The following RPN2 variants were observed in gnomAD, a reference collection of about 807,000 sequenced individuals.
RPN2 encodes dolichyl-diphosphooligosaccharide--protein glycosyltransferase subunit 2.
Under a neutral mutation model 71.4 loss-of-function variants are expected in RPN2, and 29 were observed. The ratio of observed to expected loss-of-function variants is 0.41; its 90% CI spans 0.30 to 0.55. The LOEUF (loss-of-function observed/expected upper bound fraction) is 0.55, where lower values mean the gene tolerates loss of function less well. Ranked by LOEUF, RPN2 falls within the 20% of genes least tolerant of loss-of-function variation. The probability of loss-of-function intolerance (pLI) is 0.35; values close to 1 mark genes in which losing one functional copy is unlikely to be tolerated. For missense variants in RPN2, 726 were observed against 774.1 expected (o/e 0.94, Z 0.74); for synonymous variants, 308 against 305.0 (o/e 1.01, Z -0.10).
At chr20:37,221,996 A>G (rs1568990340) in intron 9 of RPN2, among the ~76,000 whole-genome samples, 2 of 152,228 alleles carry the variant, frequency 1.3e-5, no homozygotes, top group Non-Finnish European at 2.9e-5. Flanking sequence ...TGAATGGGGA[A>G]AGTGCTCTCA....
At chr20:37,184,417 C>T (rs375835915) in intron 2 of RPN2, 44 bp downstream of exon 2, 1 of 1,471,924 alleles carries the variant, frequency 6.8e-7, no homozygotes. Flanking sequence ...TTCAGGAGAA[C>T]CTTCATCCCC....
chr20:37,196,450 G>T (rs1213924803), intron 2 of RPN2, among the ~76,000 whole-genome samples: 1 of 152,090 alleles, frequency 6.6e-6, no homozygotes, highest in Non-Finnish European at 1.5e-5. Context: ...AGCCAGGATG[G>T]TCTCGATCTC....
chr20:37,190,596 A>G (rs1185858804), intron 2 of RPN2, among the ~76,000 whole-genome samples: 1 of 152,224 alleles, frequency 6.6e-6, no homozygotes, highest in Non-Finnish European at 1.5e-5. Flanking sequence ...ATGACTATAT[A>G]TAAATAGTAG....
intron 2 of RPN2, among the ~76,000 whole-genome samples, chr20:37,195,821 T>C (rs1029042559): frequency 3.3e-5 from 5 of 152,146 alleles, no homozygotes; most frequent in Non-Finnish European, 5.9e-5. Flanking sequence ...GATCCCTAAT[T>C]GATGCAAAGT....
At chr20:37,210,528 CTTTTTTT>C (rs10566074) in intron 8 of RPN2, among the ~76,000 whole-genome samples, 1 of 118,914 alleles carries the variant, frequency 8.4e-6, no homozygotes, top group South Asian at 2.6e-4. Flanking sequence ...CTTTTGCTAA[CTTTTTTT>C]TTTTTTTTTT....
At chr20:37,188,294 A>ATAGG (rs1674363428) in intron 2 of RPN2, among the ~76,000 whole-genome samples, 3 of 151,914 alleles carry the variant, frequency 2.0e-5, no homozygotes, top group South Asian at 2.1e-4. Context: ...TCAGCCTCCT[A>ATAGG]TAGGTGCACG....
intron 4 of RPN2, 117 bp downstream of exon 4, chr20:37,199,342 C>G (rs778993349): frequency 2.1e-5 from 27 of 1,305,226 alleles, no homozygotes; most frequent in East Asian, 9.9e-5. Context: ...TAAATACTTC[C>G]GTGTGCCAGG....
intron 15 of RPN2, 141 bp from the exon 16 acceptor site, chr20:37,236,439 C>T (rs1017288870): frequency 1.6e-5 from 14 of 886,400 alleles, no homozygotes; most frequent in Non-Finnish European, 2.3e-5. Context: ...TACTTTTTGG[C>T]ATCAGAGCAA....
chr20:37,216,871 A>G (rs1396559820), intron 9 of RPN2, among the ~76,000 whole-genome samples: 2 of 151,656 alleles, frequency 1.3e-5, no homozygotes, highest in Non-Finnish European at 2.9e-5. Context: ...CTTTTCTATA[A>G]TTGTACTTAT....
At chr20:37,180,435 C>T (rs1750607175) in intron 1 of RPN2, among the ~76,000 whole-genome samples, 1 of 152,160 alleles carries the variant, frequency 6.6e-6, no homozygotes, top group South Asian at 2.1e-4. Flanking sequence ...CACAGCATAG[C>T]GTGGGCATAC....
At chr20:37,213,033 T>C (rs2067712779) in intron 8 of RPN2, among the ~76,000 whole-genome samples, 1 of 152,162 alleles carries the variant, frequency 6.6e-6, no homozygotes, top group African/African-American at 2.4e-5. Flanking sequence ...GTAAGATATG[T>C]CCTTTTTGAG....
intron 16 of RPN2, chr20:37,238,389 T>C: frequency 6.2e-7 from 1 of 1,605,102 alleles, no homozygotes; most frequent in Non-Finnish European, 8.5e-7. Flanking sequence ...TCAAACCCTC[T>C]TTCCTTTGGC....
intron 9 of RPN2, among the ~76,000 whole-genome samples, chr20:37,219,767 GTCT>G (rs1304339372): frequency 6.6e-6 from 1 of 152,220 alleles, no homozygotes; most frequent in Non-Finnish European, 1.5e-5. Flanking sequence ...AGGGGGTCCA[GTCT>G]TCTTTTGCAG....
At chr20:37,234,714 T>A (rs1242407829) in intron 15 of RPN2, among the ~76,000 whole-genome samples, 2 of 150,550 alleles carry the variant, frequency 1.3e-5, no homozygotes, top group Non-Finnish European at 3.0e-5. Context: ...AGGGTCTTAC[T>A]CTGTCACCCA....
intron 1 of RPN2, among the ~76,000 whole-genome samples, chr20:37,180,466 C>T (rs1186949919): frequency 2.0e-5 from 3 of 152,156 alleles, no homozygotes; most frequent in Non-Finnish European, 4.4e-5. Context: ...AAGTGCTCAA[C>T]TTTTAGTCAG....
chr20:37,238,500 T>G, intron 16 of RPN2: 1 of 1,310,374 alleles, frequency 7.6e-7, no homozygotes, highest in East Asian at 2.4e-5. Context: ...TTCCCCGTCT[T>G]GCCCGCCTCA....
At position 37,234,000 on chromosome 20, in the gene RPN2, TA is replaced by T. The variant is rs2068316851; in HGVS notation, c.1678-19del. On this transcript the variant is annotated intron_variant, in intron 14 of 16. Coordinates refer to ENST00000237530, the MANE Select transcript of RPN2 (RefSeq NM_002951.5). ...TTTAAGTTCTAATGCCTTTTTAATT[TA>T]TTTCTCCCCATCATTCAGTGGATCC... The T allele has an allele frequency of 6.2e-7, 1 of 1,613,832 alleles. No homozygotes were observed. The highest frequency in any genetic ancestry group is 1.7e-5 in the Admixed American group (1 of 60,010).
chr20:37,224,833 T>G lies in RPN2; in HGVS notation c.1185-855T>G, dbSNP rs78366051. On this transcript the variant is annotated intron_variant, in intron 10 of 16. Transcript: ENST00000237530. ...AGCCAGAGGCTGGAAGCCAAGCAGCTACTCCTTTTAAATCACATAGAGTTG... is the reference window on the plus strand; with the variant it reads ...AGCCAGAGGCTGGAAGCCAAGCAGCGACTCCTTTTAAATCACATAGAGTTG... Among the ~76,000 whole-genome samples, 721 of 152,332 alleles carry G rather than the reference T, an allele frequency of 4.7e-3. 11 individuals are homozygous for G. Among genetic ancestry groups the G allele is most frequent in the East Asian group, 0.031 (159 of 5,182 alleles).
chr20:37,233,621 G>A (rs2068307806), intron 14 of RPN2, among the ~76,000 whole-genome samples: 1 of 152,220 alleles, frequency 6.6e-6, no homozygotes, highest in Non-Finnish European at 1.5e-5. Context: ...CACGGCAAGA[G>A]CGTGAATGCC....
Sources: allele counts gnomAD v4.1 joint callset (sites outside exome capture counted in the v4.1 genomes callset), GRCh38; gene constraint gnomAD v4.1.1; transcripts MANE v1.5; gene names NCBI Gene and HGNC (gene_info 2026-07-23, HGNC 2026-07-21).